Variants in HDAC9 observed in about 807,000 individuals in gnomAD.
HDAC9 encodes MEF-2 interacting transcription repressor (MITR) protein.
A neutral mutation model predicts 139.4 loss-of-function variants in HDAC9; 41 were observed. The ratio of observed to expected loss-of-function variants is 0.29; its 90% CI spans 0.23 to 0.38. HDAC9 has a LOEUF of 0.38. HDAC9 is among the 10% of genes least tolerant of loss of function. HDAC9 has a pLI of 1.00. For synonymous variants in HDAC9, 517 were observed against 476.2 expected (o/e 1.09, Z -1.12); for missense variants, 1,147 against 1,297.0 (o/e 0.88, Z 1.78).
At chr7:18,750,290 G>A (rs1788329908) in intron 14 of HDAC9, among the ~76,000 whole-genome samples, 1 of 152,000 alleles carries the variant, frequency 6.6e-6, no homozygotes, top group Non-Finnish European at 1.5e-5. Context: ...TTTAAAGGGT[G>A]GATAATATAT....
chr7:18,261,937 A>T (rs1795707117), intron 2 of HDAC9, among the ~76,000 whole-genome samples: 1 of 152,222 alleles, frequency 6.6e-6, no homozygotes, highest in Non-Finnish European at 1.5e-5. Context: ...TATTAGTGCA[A>T]TCTGGCAAAA....
At chr7:18,451,368 C>CGT (rs71553928) in intron 1 of HDAC9, among the ~76,000 whole-genome samples, 12,443 of 138,738 alleles carry the variant, frequency 0.09, 698 homozygotes, top group East Asian at 0.16. Context: ...TGTATATGTG[C>CGT]GTGTGTGTGT....
At chr7:18,751,384 A>T (rs1341844465) in intron 14 of HDAC9, among the ~76,000 whole-genome samples, 1 of 152,106 alleles carries the variant, frequency 6.6e-6, no homozygotes, top group East Asian at 1.9e-4. Context: ...TATCCAAAAC[A>T]TGGCAACAAT....
intron 1 of HDAC9, among the ~76,000 whole-genome samples, chr7:18,331,751 A>G (rs906752506): frequency 6.6e-6 from 1 of 151,672 alleles, no homozygotes; most frequent in African/African-American, 2.4e-5. Flanking sequence ...GACTGCTACA[A>G]GTTTGTTGGA....
At chr7:18,624,169 C>A (rs1364117097) in intron 6 of HDAC9, among the ~76,000 whole-genome samples, 1 of 152,152 alleles carries the variant, frequency 6.6e-6, no homozygotes, top group African/African-American at 2.4e-5. Flanking sequence ...TTGCTTCCGC[C>A]ACCTAGGTTT....
intron 1 of HDAC9, among the ~76,000 whole-genome samples, chr7:18,379,720 G>C (rs958252035): frequency 5.9e-5 from 9 of 152,124 alleles, no homozygotes; most frequent in African/African-American, 2.2e-4. Context: ...TGTTTTACTG[G>C]GAGGATTGTT....
At chr7:18,312,002 G>A (rs375803045) in intron 1 of HDAC9, among the ~76,000 whole-genome samples, 2 of 152,272 alleles carry the variant, frequency 1.3e-5, no homozygotes, top group South Asian at 4.1e-4. Context: ...AACAGTAGGT[G>A]GAAAAGATGT....
chr7:18,681,528 A>G (rs374200780), intron 12 of HDAC9, among the ~76,000 whole-genome samples: 3 of 152,198 alleles, frequency 2.0e-5, no homozygotes, highest in East Asian at 3.9e-4. Flanking sequence ...ATGCTACAGT[A>G]TAGGAACTTG....
intron 1 of HDAC9, among the ~76,000 whole-genome samples, chr7:18,102,998 A>G (rs1269064041): frequency 6.6e-6 from 1 of 152,190 alleles, no homozygotes; most frequent in Admixed American, 6.5e-5. Flanking sequence ...CATACCCGAG[A>G]CTGGGTAATT....
intron 1 of HDAC9, among the ~76,000 whole-genome samples, chr7:18,349,361 CAG>C (rs1269253459): frequency 2.2e-5 from 3 of 138,318 alleles, no homozygotes; most frequent in South Asian, 4.7e-4. Context: ...CACACACACA[CAG>C]ATATTGCCCT....
At chr7:18,632,180 TTAAAG>T (rs1782557730) in intron 7 of HDAC9, among the ~76,000 whole-genome samples, 1 of 151,932 alleles carries the variant, frequency 6.6e-6, no homozygotes, top group Non-Finnish European at 1.5e-5. Flanking sequence ...ATTTCCTTTG[TTAAAG>T]TAAAACCAGA....
chr7:18,218,161 T>A (rs1473215847), intron 2 of HDAC9, among the ~76,000 whole-genome samples: 1 of 152,142 alleles, frequency 6.6e-6, no homozygotes, highest in Non-Finnish European at 1.5e-5. Context: ...AGTTACATAC[T>A]GGCTGGGTGC....
At chr7:18,725,273 T>A (rs954515319) in intron 12 of HDAC9, among the ~76,000 whole-genome samples, 1 of 152,180 alleles carries the variant, frequency 6.6e-6, no homozygotes, top group African/African-American at 2.4e-5. Flanking sequence ...TTTAATACTA[T>A]TTTTTGAAGT....
intron 23 of HDAC9, among the ~76,000 whole-genome samples, chr7:18,951,260 T>C (rs1338408316): frequency 1.3e-5 from 2 of 152,000 alleles, no homozygotes; most frequent in African/African-American, 4.8e-5. Context: ...TATATGCAAC[T>C]TAACAAACAT....
chr7:18,765,207 A>G, intron 15 of HDAC9, among the ~76,000 whole-genome samples: 1 of 152,188 alleles, frequency 6.6e-6, no homozygotes, highest in Non-Finnish European at 1.5e-5. Flanking sequence ...CCTGTTTTGT[A>G]TTATGTAAAC....
chr7:18,624,555 G>T (rs1481332827), intron 6 of HDAC9, among the ~76,000 whole-genome samples: 2 of 151,996 alleles, frequency 1.3e-5, no homozygotes, highest in Non-Finnish European at 2.9e-5. Flanking sequence ...AGTGTAACTA[G>T]GCATGAAATA....
chr7:18,980,733 C>G (rs1400589687), intron 25 of HDAC9, among the ~76,000 whole-genome samples: 15 of 135,400 alleles, frequency 1.1e-4, no homozygotes, highest in Non-Finnish European at 1.6e-4. Context: ...CTTCCTTCTT[C>G]TTCTTCTTCT....
upstream of HDAC9, among the ~76,000 whole-genome samples, chr7:18,288,872 A>G (rs1019508474): frequency 2.0e-5 from 3 of 152,176 alleles, no homozygotes; most frequent in Admixed American, 2.0e-4. Context: ...GTGTGTTTGA[A>G]TGGATGAGGA....
intron 22 of HDAC9, among the ~76,000 whole-genome samples, chr7:18,908,995 A>G (rs1450205788): frequency 1.3e-5 from 2 of 152,004 alleles, no homozygotes; most frequent in Non-Finnish European, 2.9e-5. Flanking sequence ...GGCTGTACTA[A>G]TTTATATTCC....
Sources: gnomAD v4.1 joint callset for allele counts (sites outside exome capture counted in the v4.1 genomes callset) on GRCh38, gnomAD v4.1.1 for gene constraint, MANE v1.5 for transcripts, NCBI Gene and HGNC (gene_info 2026-07-23, HGNC 2026-07-21) for gene names.